Variants in TNRC6C observed in about 807,000 individuals in gnomAD.
TNRC6C encodes trinucleotide repeat containing adaptor 6C.
A neutral mutation model predicts 153.7 loss-of-function variants in TNRC6C; 20 were observed. That is an observed-to-expected ratio of 0.13 (90% confidence interval 0.09 to 0.19). TNRC6C has a LOEUF of 0.19. Among genes scored for constraint, TNRC6C ranks in the 10% least tolerant of loss-of-function variants. The pLI, the probability that TNRC6C is intolerant of heterozygous loss-of-function variation, is 1.00. For missense variants in TNRC6C, 1,987 were observed against 2,172.0 expected (o/e 0.91, Z 1.69); for synonymous variants, 811 against 841.4 (o/e 0.96, Z 0.63).
intron 17 of TNRC6C, 85 bp from the exon 21 acceptor site, chr17:78,102,389 C>T: frequency 3.2e-6 from 4 of 1,268,942 alleles, no homozygotes; most frequent in Non-Finnish European, 3.3e-6. Flanking sequence ...TGCTGTCCCA[C>T]ACTTCAGCAC....
At chr17:78,023,312 C>G (rs1797318039) in intron 1 of TNRC6C, among the ~76,000 whole-genome samples, 1 of 152,138 alleles carries the variant, frequency 6.6e-6, no homozygotes, top group Non-Finnish European at 1.5e-5. Flanking sequence ...TAGTAGCTAG[C>G]CATCCAGTGT....
intron 13 of TNRC6C, among the ~76,000 whole-genome samples, chr17:78,087,357 A>G (rs141021996): frequency 0.011 from 1,699 of 152,182 alleles, 24 homozygotes; most frequent in South Asian, 0.05. Context: ...GGCTCAAGCA[A>G]TCCTCCCACC....
rs764100636 is a variant in TNRC6C at position 77,985,437 on chromosome 17, C to CAA, written c.-37-18719_-37-18718dup. Among the ~76,000 whole-genome samples, 280 of 128,138 alleles carry CAA rather than the reference C, an allele frequency of 2.2e-3. 3 individuals carry two copies. Among genetic ancestry groups the CAA allele is most frequent in the African/African-American group, 7.2e-3 (250 of 34,534 alleles). The allele number at this position is 128,138 out of a possible 152,430, so 84.1% of individuals were successfully genotyped here. ...TGAAACCCCGTCTCTACTAAAAATA[C>CAA]AAAAAAAAAAAAAAATTAGCCAGGT... On this transcript the variant is annotated intron_variant, in intron 1 of 22. Coordinates refer to the TNRC6C transcript ENST00000636222.
At chr17:78,081,668 TGCCGGTG>T (rs1317196187) in intron 10 of TNRC6C, among the ~76,000 whole-genome samples, 1 of 152,158 alleles carries the variant, frequency 6.6e-6, no homozygotes, top group Non-Finnish European at 1.5e-5. Context: ...AGCACTACTG[TGCCGGTG>T]GCCTTGAAAT....
chr17:78,031,505 A>G lies in TNRC6C; in HGVS notation c.-545-11A>G. On this transcript the variant is annotated splice_polypyrimidine_tract_variant and intron_variant, in intron 1 of 19. Transcript: ENST00000301624. ...AAAGTTTTGGGTTCTTTTGCCTTTC[A>G]TTCATTTTAGTGCCAGAACCTACTA... 8.1e-7 allele frequency: 1 copy of G among 1,231,962 alleles called. No homozygotes were observed. The highest frequency in any genetic ancestry group is 1.0e-6 in the Non-Finnish European group (1 of 987,958). The allele number at this position is 1,231,962 out of a possible 1,614,324, so 76.3% of individuals were successfully genotyped here.
At chr17:78,102,971 T>G (rs964914745) in intron 18 of TNRC6C, 6 of 235,398 alleles carry the variant, frequency 2.5e-5, no homozygotes, top group Non-Finnish European at 4.2e-5. Flanking sequence ...ACCCCATGTG[T>G]GTATTTTTAT....
In TNRC6C at chr17:78,079,664, A is replaced by C; in HGVS notation, c.3357+123A>C. The C allele has an allele frequency of 7.7e-7, 1 of 1,293,094 alleles. No homozygotes were observed. Among genetic ancestry groups the C allele is most frequent in the East Asian group, 2.4e-5 (1 of 42,208 alleles). 80.1% of individuals were successfully genotyped at this position (1,293,094 alleles called of 1,614,324 possible). A position where few individuals can be genotyped will look rare whatever the true frequency, so the allele number is the denominator to read the frequency against. On this transcript the variant is annotated intron_variant, in intron 10 of 19. Coordinates refer to ENST00000301624, the Ensembl canonical transcript of TNRC6C. The surrounding 1 kb of genome is among the most constrained non-coding windows in gnomAD (Gnocchi z 4.3). The stretch of plus-strand genomic sequence containing the variant: ...GCGGAGTTAATCCATGTTTAAGAGA[A>C]GGCCTTCTGGTTTTTAACCTATAAA...
At chr17:77,989,257 G>A (rs540343739) in intron 1 of TNRC6C, among the ~76,000 whole-genome samples, 52 of 152,294 alleles carry the variant, frequency 3.4e-4, no homozygotes, top group Admixed American at 2.8e-3. Context: ...TTCTGTGCCT[G>A]GACCTACTTC....
chr17:78,096,126 T>C (rs1049626386), intron 16 of TNRC6C, among the ~76,000 whole-genome samples: 3 of 152,180 alleles, frequency 2.0e-5, no homozygotes, highest in Non-Finnish European at 4.4e-5. Context: ...GACACCCTTT[T>C]AAAGTAAAGA....
At chr17:78,096,337 A>T (rs2073485260) in intron 16 of TNRC6C, among the ~76,000 whole-genome samples, 1 of 152,090 alleles carries the variant, frequency 6.6e-6, no homozygotes, top group African/African-American at 2.4e-5. Flanking sequence ...TAGGTGATGG[A>T]ATGATCTCTA....
At chr17:78,103,660 A>G in intron 19 of TNRC6C, 107 bp downstream of exon 22, 2 of 1,474,256 alleles carry the variant, frequency 1.4e-6, no homozygotes, top group Non-Finnish European at 1.8e-6. Flanking sequence ...GCAGAATCCC[A>G]CAGGCTGGCC....
In TNRC6C at chr17:77,992,497, C is replaced by CAA. The variant is rs1333860215; in HGVS notation, c.-37-11653_-37-11652dup. Among the ~76,000 whole-genome samples the CAA allele has an allele frequency of 6.6e-3, 193 of 29,420 alleles. 10 individuals are homozygous for CAA. Among genetic ancestry groups the CAA allele is most frequent in the Admixed American group, 8.8e-3 (25 of 2,844 alleles). The allele number at this position is 29,420 out of a possible 152,430, so 19.3% of individuals were successfully genotyped here. On this transcript the variant is annotated intron_variant, in intron 1 of 22. Transcript: ENST00000636222. Reference sequence around the variant, plus strand: ...TGGGCGACAGAGCGAGACTCCGTCTCAAAAAAAAAAAAAAAAAAAAAGATT... The same window carrying CAA: ...TGGGCGACAGAGCGAGACTCCGTCTCAAAAAAAAAAAAAAAAAAAAAAAGATT...
intron 6 of TNRC6C, among the ~76,000 whole-genome samples, chr17:78,072,487 T>G (rs2073016456): frequency 6.6e-6 from 1 of 152,300 alleles, no homozygotes; most frequent in Non-Finnish European, 1.5e-5. Flanking sequence ...AATCCTGTCC[T>G]AGGAGAGCAT....
At chr17:78,054,353 C>T (rs1206278460) in intron 3 of TNRC6C, among the ~76,000 whole-genome samples, 3 of 151,904 alleles carry the variant, frequency 2.0e-5, no homozygotes, top group Non-Finnish European at 4.4e-5. Flanking sequence ...CTGCAGACTA[C>T]GCACACCACT....
At chr17:78,041,693 A>G (rs1178033401) in intron 2 of TNRC6C, among the ~76,000 whole-genome samples, 1 of 152,142 alleles carries the variant, frequency 6.6e-6, no homozygotes, top group Non-Finnish European at 1.5e-5. Context: ...GTAGAGGGGG[A>G]GGCATCTTTG....
chr17:78,094,658 T>A (rs2073452180), intron 16 of TNRC6C, among the ~76,000 whole-genome samples: 1 of 152,194 alleles, frequency 6.6e-6, no homozygotes, highest in African/African-American at 2.4e-5. Context: ...CAGGCTGATC[T>A]CGAACTCCTG....
intron 1 of TNRC6C, among the ~76,000 whole-genome samples, chr17:77,992,838 C>CAA (rs2071272583): frequency 6.6e-6 from 1 of 152,080 alleles, no homozygotes; most frequent in African/African-American, 2.4e-5. Flanking sequence ...CCGTAAAGGA[C>CAA]AGAGAGAGGA....
chr17:77,972,690 T>G (rs1022718079), intron 1 of TNRC6C, among the ~76,000 whole-genome samples: 1 of 152,168 alleles, frequency 6.6e-6, no homozygotes, highest in Non-Finnish European at 1.5e-5. Context: ...AATGGACATA[T>G]AGCAAGAAAT....
rs918346605 is a variant in TNRC6C, at chr17:78,097,984, C to T, written c.4307-359C>T. 26 of 861,558 alleles carry T rather than the reference C, an allele frequency of 3.0e-5. No homozygotes were observed. Among genetic ancestry groups the T allele is most frequent in the African/African-American group, 6.8e-5 (4 of 58,450 alleles). 53.4% of individuals were successfully genotyped at this position (861,558 alleles called of 1,614,324 possible). A position where few individuals can be genotyped will look rare whatever the true frequency, so the allele number is the denominator to read the frequency against. ...CTCCCTGAGCTGGGAGGCCGTGTGG[C>T]GTGATGAAGGATGGGTGGGGGCCTT... is the stretch of plus-strand genomic sequence containing the variant. On this transcript the variant is annotated intron_variant, in intron 16 of 19. Coordinates refer to ENST00000301624, the Ensembl canonical transcript of TNRC6C.
Sources: gnomAD v4.1 joint callset for allele counts (sites outside exome capture counted in the v4.1 genomes callset) on GRCh38, gnomAD v4.1.1 for gene constraint, Gnocchi (gnomAD v3.1) non-coding constraint, MANE v1.5 for transcripts, NCBI Gene and HGNC (gene_info 2026-07-23, HGNC 2026-07-21) for gene names.